Variants in TBC1D5 observed in about 807,000 individuals in gnomAD.
TBC1D5 encodes TBC1 domain family, member 5.
TBC1D5 carries 75 observed loss-of-function variants against 100.3 expected under a neutral mutation model. The observed-to-expected ratio is 0.75, with a 90% confidence interval of 0.62 to 0.91. The LOEUF is 0.91. TBC1D5 is among the 40% of genes least tolerant of loss of function. TBC1D5 has a pLI of 0.00. For missense variants in TBC1D5, 910 were observed against 942.4 expected, an observed-to-expected ratio of 0.97 and a Z score of 0.45; for synonymous variants, 323 against 325.6, an observed-to-expected ratio of 0.99 and a Z score of 0.09.
intron 13 of TBC1D5, among the ~76,000 whole-genome samples, chr3:17,309,889 GA>G (rs1436887916): frequency 6.6e-6 from 1 of 152,070 alleles, no homozygotes; most frequent in African/African-American, 2.4e-5. Flanking sequence ...CTTAAACGAT[GA>G]AAACATGTAG....
chr3:17,213,173 G>A (rs775593225), intron 18 of TBC1D5, among the ~76,000 whole-genome samples: 3 of 152,150 alleles, frequency 2.0e-5, no homozygotes, highest in African/African-American at 4.8e-5. Context: ...ATTGCCTGCA[G>A]TATTCAGTAC....
chr3:17,424,901 A>G (rs1338666676), intron 4 of TBC1D5, among the ~76,000 whole-genome samples: 1 of 152,216 alleles, frequency 6.6e-6, no homozygotes, highest in Non-Finnish European at 1.5e-5. Context: ...AATTTATAGT[A>G]AAACATCTTC....
intron 3 of TBC1D5, among the ~76,000 whole-genome samples, chr3:17,439,070 T>TA (rs1366668797): frequency 6.6e-6 from 1 of 152,130 alleles, no homozygotes; most frequent in Non-Finnish European, 1.5e-5. Context: ...TTCAGTGCAA[T>TA]AAAAAGGAAA....
In TBC1D5 at chr3:17,484,493, G is replaced by A. The variant is rs892198248; in HGVS notation, c.97+23981C>T. On this transcript the variant is annotated intron_variant, in intron 3 of 21. Transcript: ENST00000253692. Reference sequence around the variant, plus strand: ...GTGTGTGTGTGTGTGTGTGTGTTTGGGTAACAATCATAATTACTCAAAGCA... The same window carrying A: ...GTGTGTGTGTGTGTGTGTGTGTTTGAGTAACAATCATAATTACTCAAAGCA... Among the ~76,000 whole-genome samples, 112 of 126,826 alleles carry A rather than the reference G, an allele frequency of 8.8e-4. 2 individuals carry two copies. In the South Asian group the frequency reaches 0.015, roughly 17 times the overall value. 83.2% of individuals were successfully genotyped at this position (126,826 alleles called of 152,430 possible).
At chr3:17,532,568 A>G (rs1405319696) in intron 2 of TBC1D5, among the ~76,000 whole-genome samples, 5 of 152,134 alleles carry the variant, frequency 3.3e-5, no homozygotes, top group Non-Finnish European at 7.3e-5. Flanking sequence ...TCACAATAGC[A>G]AAGTCTTGGA....
chr3:17,659,393 C>A (rs2066432911), intron 1 of TBC1D5, among the ~76,000 whole-genome samples: 1 of 151,324 alleles, frequency 6.6e-6, no homozygotes, highest in African/African-American at 2.4e-5. Flanking sequence ...AGATAACCAT[C>A]TAGGAAGAAT....
chr3:17,193,204 G>A (rs1442272256), intron 18 of TBC1D5, among the ~76,000 whole-genome samples: 3 of 152,208 alleles, frequency 2.0e-5, no homozygotes, highest in Admixed American at 2.0e-4. Context: ...TGCTTCAGCT[G>A]GCTCTAATAG....
intron 18 of TBC1D5, among the ~76,000 whole-genome samples, chr3:17,199,506 G>A (rs1374870200): frequency 6.6e-6 from 1 of 152,196 alleles, no homozygotes; most frequent in Non-Finnish European, 1.5e-5. Context: ...CATGTAGAGT[G>A]TACAAATATG....
At chr3:17,715,893 C>T (rs1162750789) in intron 1 of TBC1D5, among the ~76,000 whole-genome samples, 2 of 151,922 alleles carry the variant, frequency 1.3e-5, no homozygotes, top group Non-Finnish European at 2.9e-5. Context: ...CCCATCTCTA[C>T]TAAAAATATT....
At chr3:17,486,415 T>C (rs1317346571) in intron 3 of TBC1D5, among the ~76,000 whole-genome samples, 11 of 152,246 alleles carry the variant, frequency 7.2e-5, no homozygotes, top group Non-Finnish European at 1.6e-4. Context: ...TCCTTGCCCA[T>C]GCCTATGTCC....
chr3:17,623,915 T>C lies in TBC1D5; in HGVS notation c.-100-2A>G, dbSNP rs2062864759. On this transcript the variant is annotated splice_acceptor_variant, in intron 1 of 21. Coordinates refer to ENST00000253692, the Ensembl canonical transcript of TBC1D5. LOFTEE classifies it low-confidence loss of function (5UTR_SPLICE). ...ACTTTTATCTTGATACTGATATCAC[T>C]GAAATAAAGAAAAAAAAAAGGATCT... 1 of 151,324 alleles carries C rather than the reference T, an allele frequency of 6.6e-6. No homozygotes were observed. Among genetic ancestry groups the C allele is most frequent in the Non-Finnish European group, 1.5e-5 (1 of 67,914 alleles). The allele number at this position is 151,324 out of a possible 1,614,324, so 9.4% of individuals were successfully genotyped here. A position where few individuals can be genotyped will look rare whatever the true frequency, so the allele number is the denominator to read the frequency against.
chr3:17,714,136 A>G (rs921980728), intron 1 of TBC1D5, among the ~76,000 whole-genome samples: 1 of 152,112 alleles, frequency 6.6e-6, no homozygotes, highest in African/African-American at 2.4e-5. Flanking sequence ...ATTATTGTGT[A>G]TATCTGTTCT....
chr3:17,660,882 A>G (rs767056652), intron 1 of TBC1D5, among the ~76,000 whole-genome samples: 12 of 152,216 alleles, frequency 7.9e-5, no homozygotes, highest in Non-Finnish European at 1.3e-4. Flanking sequence ...ATAAGTACCT[A>G]TATGAAAGCT....
intron 15 of TBC1D5, among the ~76,000 whole-genome samples, chr3:17,286,299 T>C (rs1047877110): frequency 2.0e-5 from 3 of 152,246 alleles, no homozygotes; most frequent in African/African-American, 7.2e-5. Flanking sequence ...TTCCTAGCCC[T>C]TACTGCCTTC....
chr3:17,308,440 G>C (rs1559601091), intron 13 of TBC1D5, among the ~76,000 whole-genome samples: 1 of 152,010 alleles, frequency 6.6e-6, no homozygotes. Context: ...TGAATGTTTA[G>C]TAGTCTGGTA....
chr3:17,639,268 C>A (rs1331182941), intron 1 of TBC1D5, among the ~76,000 whole-genome samples: 2 of 152,016 alleles, frequency 1.3e-5, no homozygotes, highest in Non-Finnish European at 2.9e-5. Context: ...AAGATAGGCA[C>A]CACAGACCAA....
chr3:17,286,406 T>G (rs2081194533), intron 15 of TBC1D5, among the ~76,000 whole-genome samples: 1 of 152,188 alleles, frequency 6.6e-6, no homozygotes, highest in South Asian at 2.1e-4. Context: ...TTTTTGAATG[T>G]GAGCAACTAG....
At chr3:17,189,546 C>A (rs752975788) in intron 18 of TBC1D5, among the ~76,000 whole-genome samples, 1 of 152,186 alleles carries the variant, frequency 6.6e-6, no homozygotes, top group Non-Finnish European at 1.5e-5. Flanking sequence ...TTGTAATACG[C>A]CAGACACTGA....
rs984202821 is a variant in TBC1D5, at chr3:17,575,635, G to T, written c.-36+48214C>A. On this transcript the variant is annotated intron_variant, in intron 2 of 21. Coordinates refer to ENST00000253692, the Ensembl canonical transcript of TBC1D5. ...TGCCTGGCTGGGAATTATTAGTAAG[G>T]TTATCCCTATGATGGGGAGGATTCG... is the stretch of plus-strand genomic sequence containing the variant. 6.6e-5 allele frequency among the ~76,000 whole-genome samples: 10 copies of T among 152,202 alleles called. No homozygotes were observed. The South Asian group carries it at 1.0e-3, about 16-fold the overall frequency.
Sources: gnomAD v4.1 joint callset for allele counts (sites outside exome capture counted in the v4.1 genomes callset) on GRCh38, gnomAD v4.1.1 for gene constraint, MANE v1.5 for transcripts, NCBI Gene and HGNC (gene_info 2026-07-23, HGNC 2026-07-21) for gene names.